CHAF1A: variants seen among roughly 807,000 people sequenced by gnomAD.
CHAF1A encodes chromatin assembly factor 1 subunit A.
Under a neutral mutation model 93.2 loss-of-function variants are expected in CHAF1A, and 5 were observed. The ratio of observed to expected loss-of-function variants is 0.05; its 90% CI spans 0.03 to 0.11. The LOEUF (loss-of-function observed/expected upper bound fraction) is 0.11. Ranked by LOEUF, CHAF1A falls within the 10% of genes least tolerant of loss-of-function variation. The pLI is 1.00. For missense variants in CHAF1A, 1,102 were observed against 1,259.9 expected (o/e 0.87, Z 1.90); for synonymous variants, 504 against 510.3 (o/e 0.99, Z 0.17).
chr19:4,440,167 C>G (rs1974359513), intron 13 of CHAF1A, among the ~76,000 whole-genome samples: 1 of 152,134 alleles, frequency 6.6e-6, no homozygotes, highest in African/African-American at 2.4e-5. Flanking sequence ...TGAGGACTAT[C>G]CTCCCTACTG....
At chr19:4,418,503 C>T (rs929067406) in intron 4 of CHAF1A, among the ~76,000 whole-genome samples, 2 of 151,320 alleles carry the variant, frequency 1.3e-5, no homozygotes, top group Admixed American at 6.6e-5. Flanking sequence ...GCAAGCTCCA[C>T]CTCCCAGGTT....
intron 7 of CHAF1A, among the ~76,000 whole-genome samples, chr19:4,426,738 T>C (rs1331064810): frequency 1.3e-5 from 2 of 151,050 alleles, no homozygotes; most frequent in African/African-American, 4.9e-5. Context: ...CCTCCCAAAG[T>C]GCTGGGATTA....
chr19:4,412,434 C>T (rs1599641086), intron 3 of CHAF1A, among the ~76,000 whole-genome samples: 1 of 152,174 alleles, frequency 6.6e-6, no homozygotes, highest in Non-Finnish European at 1.5e-5. Context: ...ATCCCAGCTA[C>T]GCCGGAGGCT....
chr19:4,427,130 C>A (rs1482151841), intron 7 of CHAF1A, among the ~76,000 whole-genome samples: 3 of 74,266 alleles, frequency 4.0e-5, no homozygotes, highest in South Asian at 9.9e-4. Flanking sequence ...CAAAAAAAGA[C>A]CCTGTCTTTT....
intron 4 of CHAF1A, among the ~76,000 whole-genome samples, chr19:4,421,760 A>G (rs1973993968): frequency 6.6e-6 from 1 of 152,212 alleles, no homozygotes; most frequent in South Asian, 2.1e-4. Context: ...TGGGCAACAG[A>G]GTAGACTTTG....
At chr19:4,425,075 T>C (rs1974057547) in intron 7 of CHAF1A, among the ~76,000 whole-genome samples, 1 of 152,182 alleles carries the variant, frequency 6.6e-6, no homozygotes, top group Non-Finnish European at 1.5e-5. Flanking sequence ...GCACCTGGCC[T>C]GTCCTTTTAT....
intron 13 of CHAF1A, among the ~76,000 whole-genome samples, chr19:4,441,735 C>A (rs1161384534): frequency 6.6e-6 from 1 of 151,870 alleles, no homozygotes; most frequent in Admixed American, 6.6e-5. Flanking sequence ...GAAACCCCGT[C>A]TCTACTAAAA....
At chr19:4,432,990 T>G in intron 12 of CHAF1A, 80 bp from the exon 13 acceptor site, 2 of 1,147,336 alleles carry the variant, frequency 1.7e-6, no homozygotes, top group Non-Finnish European at 2.4e-6. Flanking sequence ...GCAATGAGCT[T>G]GTGTATGTGT....
chr19:4,407,401 C>G (rs980635517), intron 2 of CHAF1A, among the ~76,000 whole-genome samples: 3 of 151,708 alleles, frequency 2.0e-5, no homozygotes, highest in African/African-American at 7.3e-5. Flanking sequence ...CTGGCAGACT[C>G]TGGGAGAACA....
intron 10 of CHAF1A, 64 bp from the exon 11 acceptor site, chr19:4,430,485 T>C (rs2145126594): frequency 8.4e-7 from 1 of 1,191,574 alleles, no homozygotes; most frequent in Non-Finnish European, 1.3e-6. Context: ...GCCTACTTTG[T>C]TTTTAATAAG....
intron 3 of CHAF1A, among the ~76,000 whole-genome samples, chr19:4,410,101 G>A (rs944211957): frequency 2.0e-5 from 3 of 152,086 alleles, no homozygotes; most frequent in African/African-American, 7.2e-5. Flanking sequence ...CTTCAGATTC[G>A]AGGTCCAGCT....
rs369832168 is a variant in CHAF1A, at chr19:4,432,221, G to A, written c.2203+14G>A. On this transcript the variant is annotated intron_variant, in intron 12 of 14. Transcript: ENST00000301280. ...GAGACGAGCAGAGTGAGTGTGGGCG[G>A]GGCCAGGCCACCCACCTGTTCCTGG... 5.0e-5 allele frequency: 79 copies of A among 1,584,960 alleles called. No homozygotes were observed. Among genetic ancestry groups the A allele is most frequent in the Non-Finnish European group, 3.4e-5 (39 of 1,162,448 alleles).
rs761658991 is a variant in CHAF1A, at chr19:4,409,683, C to T, written c.884C>T (p.Ser295Leu). The change falls in exon 3 of 15, where the codon TCG (serine) becomes TTG (leucine). Residue 295 changes from serine (S) to leucine (L), a missense_variant. Transcript: ENST00000301280. ...SSLSSPSSTS[S>L]PEGPPAPPKQ... ...CTGAGCTCTCCCTCTTCCACCAGCT[C>T]GCCCGAGGGGCCGCCTGCTCCCCCA... 46 of 1,614,152 alleles carry T rather than the reference C, an allele frequency of 2.8e-5. No homozygotes were observed. Among genetic ancestry groups the T allele is most frequent in the Non-Finnish European group, 3.3e-5 (39 of 1,180,022 alleles).
At chr19:4,442,844 A>G (rs1329976062) in intron 14 of CHAF1A, 81 bp from the exon 15 acceptor site, 12 of 1,069,546 alleles carry the variant, frequency 1.1e-5, no homozygotes, top group Admixed American at 2.8e-5. Flanking sequence ...TGCAGGCCCC[A>G]TGAGGCAGCA....
chr19:4,427,236 G>A (rs1377527042), intron 7 of CHAF1A, among the ~76,000 whole-genome samples: 2 of 126,118 alleles, frequency 1.6e-5, no homozygotes, highest in African/African-American at 6.0e-5. Context: ...TGCAACCTCT[G>A]CCTCCCAGAT....
chr19:4,417,658 G>A (rs767413690), intron 3 of CHAF1A, among the ~76,000 whole-genome samples: 7 of 151,858 alleles, frequency 4.6e-5, no homozygotes, highest in Non-Finnish European at 8.8e-5. Flanking sequence ...ATGGGGTTTT[G>A]CCACGTTGGC....
downstream of CHAF1A, chr19:4,447,202 C>A: frequency 1.7e-6 from 1 of 579,012 alleles, no homozygotes; most frequent in Non-Finnish European, 3.1e-6. Flanking sequence ...AGGCTAACAC[C>A]GCCCAGGACC....
intron 4 of CHAF1A, among the ~76,000 whole-genome samples, chr19:4,419,518 C>T (rs1973953611): frequency 1.3e-5 from 2 of 152,074 alleles, no homozygotes; most frequent in African/African-American, 2.4e-5. Context: ...CAGCCTCTAC[C>T]TCCCGGGTTC....
At chr19:4,427,336 T>C (rs1974103796) in intron 7 of CHAF1A, among the ~76,000 whole-genome samples, 1 of 141,444 alleles carries the variant, frequency 7.1e-6, no homozygotes, top group Non-Finnish European at 1.5e-5. Flanking sequence ...TGTTTTGTTT[T>C]GTTTTGTTTT....
Sources: allele counts gnomAD v4.1 joint callset (sites outside exome capture counted in the v4.1 genomes callset), GRCh38; gene constraint gnomAD v4.1.1; transcripts MANE v1.5; gene names NCBI Gene and HGNC (gene_info 2026-07-23, HGNC 2026-07-21).